Variants in TCTN2 observed in about 807,000 individuals in gnomAD.
The protein encoded by TCTN2 is tectonic-2.
A neutral mutation model predicts 83.4 loss-of-function variants in TCTN2; 66 were observed. That is an observed-to-expected ratio of 0.79 (90% confidence interval 0.65 to 0.97). The LOEUF (loss-of-function observed/expected upper bound fraction) is 0.97, where lower values mean the gene tolerates loss of function less well. Among genes scored for constraint, TCTN2 ranks in the 50% least tolerant of loss-of-function variants. The pLI, the probability that TCTN2 is intolerant of heterozygous loss-of-function variation, is 0.00. For synonymous variants in TCTN2, 301 were observed against 326.7 expected (o/e 0.92, Z 0.85); for missense variants, 794 against 858.1 (o/e 0.93, Z 0.93).
chr12:123,682,555 C>T (rs921861601), intron 5 of TCTN2, among the ~76,000 whole-genome samples: 1 of 150,630 alleles, frequency 6.6e-6, no homozygotes. Context: ...GATCTCGGCT[C>T]ACTGCAGCCT....
Position 123,707,126 on chromosome 12 carries a change from T to A in TCTN2, c.1984+53T>A, listed in dbSNP as rs544040546. The A allele has an allele frequency of 3.5e-4, 532 of 1,502,222 alleles. 2 individuals are homozygous for A. Among genetic ancestry groups the A allele is most frequent in the South Asian group, 3.7e-4 (32 of 87,646 alleles). The allele number at this position is 1,502,222 out of a possible 1,614,324, so 93.1% of individuals were successfully genotyped here. A position where few individuals can be genotyped will look rare whatever the true frequency, so the allele number is the denominator to read the frequency against. On this transcript the variant is annotated intron_variant, in intron 17 of 17. Transcript: ENST00000303372. The stretch of plus-strand genomic sequence containing the variant: ...ATTATGTTATGTCAATTTAAAAAAA[T>A]TTTTTAAATGATGTCTAAATGTTAC...
rs1256664879 is a variant in TCTN2 at position 123,694,865 on chromosome 12, A to G, written c.1123A>G (p.Thr375Ala). ...AGAAACTCCTTTAAATAACGGATCAACCCCTAGAATTGTGAATGTGGAAGA... is the reference window on the plus strand; with the variant it reads ...AGAAACTCCTTTAAATAACGGATCAGCCCCTAGAATTGTGAATGTGGAAGA... ...NTETPLNNGS[T>A]PRIVNVEEHY... The change falls in exon 10 of 18, where the codon ACC becomes GCC. Residue 375 changes from threonine (T) to alanine (A), a missense_variant. By Grantham distance (58) the Thr-to-Ala change is moderately conservative. Coordinates refer to ENST00000303372, the MANE Select transcript of TCTN2 (RefSeq NM_024809.5). The G allele has an allele frequency of 2.5e-6, 4 of 1,613,202 alleles. No individual in the cohort carries two copies. The South Asian group carries it at 4.4e-5, about 18-fold the overall frequency.
intron 7 of TCTN2, among the ~76,000 whole-genome samples, chr12:123,689,109 TG>T (rs1201688041): frequency 1.3e-5 from 2 of 151,716 alleles, no homozygotes; most frequent in African/African-American, 4.8e-5. Context: ...TCACCTAGGG[TG>T]GAGTGCACTG....
chr12:123,693,697 A>T (rs1956074233), intron 9 of TCTN2, among the ~76,000 whole-genome samples: 1 of 151,424 alleles, frequency 6.6e-6, no homozygotes, highest in Non-Finnish European at 1.5e-5. Context: ...CAGGTGATCC[A>T]CCTGCCTTGG....
intron 14 of TCTN2, among the ~76,000 whole-genome samples, chr12:123,703,766 A>T (rs965048631): frequency 1.3e-5 from 2 of 152,184 alleles, no homozygotes; most frequent in African/African-American, 4.8e-5. Flanking sequence ...CTAGGATTAT[A>T]GGCATGAGCC....
chr12:123,695,001 A>G (rs778916421), intron 10 of TCTN2, 25 bp downstream of exon 10: 45 of 1,611,366 alleles, frequency 2.8e-5, no homozygotes, highest in Non-Finnish European at 3.0e-5. Flanking sequence ...GGTAGCAAGC[A>G]TGCTTTCACT....
chr12:123,679,981 C>T (rs1377525076), intron 5 of TCTN2, among the ~76,000 whole-genome samples: 3 of 151,512 alleles, frequency 2.0e-5, no homozygotes, highest in Non-Finnish European at 4.4e-5. Flanking sequence ...CCTCGTGATC[C>T]GCCCGCCTCG....
At position 123,692,561 on chromosome 12, in the gene TCTN2, G is replaced by A. The variant is rs1261397516; in HGVS notation, c.1034-97G>A. The A allele has an allele frequency of 2.1e-5, 21 of 992,200 alleles. No individual in the cohort carries two copies. The Middle Eastern group carries it at 1.3e-3, about 63-fold the overall frequency. The allele number at this position is 992,200 out of a possible 1,614,324, so 61.5% of individuals were successfully genotyped here. On this transcript the variant is annotated intron_variant, in intron 8 of 17. Coordinates refer to ENST00000303372, the MANE Select transcript of TCTN2 (RefSeq NM_024809.5). The stretch of plus-strand genomic sequence containing the variant: ...TGTAGTCAGCACCCTGGGCAGTTGC[G>A]GTCACCATATTTGCTTTGTAAGCTA...
intron 5 of TCTN2, among the ~76,000 whole-genome samples, chr12:123,679,742 T>TG (rs1428867492): frequency 2.8e-5 from 4 of 145,314 alleles, no homozygotes; most frequent in Non-Finnish European, 6.1e-5. Flanking sequence ...TTGAGTTTTT[T>TG]TTTTTTTTTT....
rs149430216 is a variant in TCTN2, at chr12:123,686,991, C to G, written c.720C>G (p.Pro240=). 7,900 of 1,614,160 alleles carry G rather than the reference C, an allele frequency of 4.9e-3. 31 individuals are homozygous for G. The highest frequency in any genetic ancestry group is 6.2e-3 in the Non-Finnish European group (7,349 of 1,180,050). Reference sequence around the variant, plus strand: ...TTCCCTTTCTGTGTGTGCAGTCCCCCCTTGCCAACACACCCTTCCTTGGTT... The same window carrying G: ...TTCCCTTTCTGTGTGTGCAGTCCCCGCTTGCCAACACACCCTTCCTTGGTT... ...DWFPFLCVQS[P]LANTPFLGYF... The change falls in exon 6 of 18, where the codon CCC becomes CCG. Residue 240 remains proline, a synonymous_variant. Transcript: ENST00000303372.
At position 123,692,645 on chromosome 12, in the gene TCTN2, G is replaced by A; in HGVS notation, c.1034-13G>A. On this transcript the variant is annotated splice_polypyrimidine_tract_variant and intron_variant, in intron 8 of 17. Coordinates refer to ENST00000303372, the MANE Select transcript of TCTN2 (RefSeq NM_024809.5). ...TGTACGCCTGTGGAAGTTAATTTATGTTATCTCTTTAGGCATAGTTACACC... is the reference window on the plus strand; with the variant it reads ...TGTACGCCTGTGGAAGTTAATTTATATTATCTCTTTAGGCATAGTTACACC... 1 of 1,606,476 alleles carries A rather than the reference G, an allele frequency of 6.2e-7. No homozygotes were observed. The highest frequency in any genetic ancestry group is 8.5e-7 in the Non-Finnish European group (1 of 1,173,156).
At chr12:123,695,110 G>A (rs1487402178) in intron 10 of TCTN2, 110 bp from the exon 11 acceptor site, 4 of 1,425,564 alleles carry the variant, frequency 2.8e-6, no homozygotes, top group East Asian at 2.3e-5. Flanking sequence ...TTTAATTAAC[G>A]AGAGTACACT....
intron 8 of TCTN2, among the ~76,000 whole-genome samples, chr12:123,692,186 C>T (rs941319646): frequency 2.6e-5 from 4 of 151,922 alleles, no homozygotes; most frequent in East Asian, 1.9e-4. Context: ...GCTGGGATTA[C>T]GGGCATGAGC....
intron 4 of TCTN2, among the ~76,000 whole-genome samples, chr12:123,676,566 TAAAAA>T (rs60100973): frequency 9.9e-5 from 6 of 60,722 alleles, no homozygotes; most frequent in African/African-American, 1.3e-4. Context: ...AGACTCCATC[TAAAAA>T]AAAAAAAAAA....
chr12:123,680,539 C>T (rs1593839685), intron 5 of TCTN2, among the ~76,000 whole-genome samples: 1 of 142,346 alleles, frequency 7.0e-6, no homozygotes, highest in Admixed American at 7.2e-5. Context: ...TTTTTTGAGA[C>T]AGAGTCTCGC....
intron 14 of TCTN2, among the ~76,000 whole-genome samples, chr12:123,701,478 T>C (rs6488896): frequency 0.99 from 151,191 of 152,232 alleles, 75,086 homozygotes; most frequent in Middle Eastern, 1. Flanking sequence ...GTGGCTCATA[T>C]CTGTAATCCC....
intron 8 of TCTN2, among the ~76,000 whole-genome samples, chr12:123,692,301 T>C (rs10846542): frequency 0.072 from 10,925 of 152,312 alleles, 557 homozygotes; most frequent in African/African-American, 0.13. Flanking sequence ...TGCCTCGGCC[T>C]CCCAAAGTGC....
intron 5 of TCTN2, 78 bp downstream of exon 5, chr12:123,679,367 T>C: frequency 7.6e-7 from 1 of 1,318,560 alleles, no homozygotes; most frequent in South Asian, 1.2e-5. Context: ...GCTTTTTTCA[T>C]TTTTTATTTC....
At chr12:123,672,979 G>A (rs1267048173) in intron 3 of TCTN2, among the ~76,000 whole-genome samples, 1 of 152,114 alleles carries the variant, frequency 6.6e-6, no homozygotes, top group African/African-American at 2.4e-5. Flanking sequence ...GAACCCGGGA[G>A]GCAGAGATTG....
Sources: gnomAD v4.1 joint callset for allele counts (sites outside exome capture counted in the v4.1 genomes callset) on GRCh38, gnomAD v4.1.1 for gene constraint, MANE v1.5 for transcripts, NCBI Gene and HGNC (gene_info 2026-07-23, HGNC 2026-07-21) for gene names.